PIKFYVE: variants seen among roughly 807,000 people sequenced by gnomAD.
PIKFYVE encodes the protein 1-phosphatidylinositol 3-phosphate 5-kinase.
PIKFYVE carries 122 observed loss-of-function variants against 257.9 expected under a neutral mutation model. That is an observed-to-expected ratio of 0.47 (90% CI 0.41 to 0.55). The LOEUF (loss-of-function observed/expected upper bound fraction) is 0.55, where lower values mean the gene tolerates loss of function less well. PIKFYVE is among the 20% of genes least tolerant of loss of function. The probability of loss-of-function intolerance (pLI) is 0.00; values close to 1 mark genes in which losing one functional copy is unlikely to be tolerated. For missense variants in PIKFYVE, 2,160 were observed against 2,536.6 expected (o/e 0.85, Z 3.19); for synonymous variants, 892 against 868.9 (o/e 1.03, Z -0.47).
chr2:208,273,910 G>C (rs16840819), intron 3 of PIKFYVE, 177 bp downstream of exon 3: 1 of 1,405,836 alleles, frequency 7.1e-7, no homozygotes, highest in African/African-American at 1.4e-5. Context: ...GGTAGTGAAA[G>C]AATTTATTGA....
chr2:208,292,340 A>G (rs1258618489), intron 7 of PIKFYVE, among the ~76,000 whole-genome samples: 1 of 152,108 alleles, frequency 6.6e-6, no homozygotes, highest in African/African-American at 2.4e-5. Context: ...GAGTTCAGCT[A>G]TGTTGTTATT....
intron 7 of PIKFYVE, among the ~76,000 whole-genome samples, chr2:208,290,513 C>A (rs575962974): frequency 6.6e-6 from 1 of 152,346 alleles, no homozygotes; most frequent in African/African-American, 2.4e-5. Flanking sequence ...TTTATCTACT[C>A]ACCTACTGAA....
chr2:208,333,241 A>T (rs1697757233), intron 23 of PIKFYVE, 74 bp from the exon 24 acceptor site: 3 of 1,528,270 alleles, frequency 2.0e-6, no homozygotes, highest in East Asian at 4.5e-5. Context: ...CTCAAAAAAA[A>T]AAAAGAAAAT....
rs772602002 is a variant in PIKFYVE at position 208,315,274 on chromosome 2, C to T, written c.1908C>T (p.Ile636=). Reference sequence around the variant, plus strand: ...CACTGTCATCATCTTGGAGGGACATCATCGTGTCATTGGTCTGCCAGGTTG... The same window carrying T: ...CACTGTCATCATCTTGGAGGGACATTATCGTGTCATTGGTCTGCCAGGTTG... The part of the protein sequence containing the change: ...SDSLSSSWRD[I]IVSLVCQVVQ... Residue 636 remains isoleucine (I), a synonymous_variant, in exon 15 of 42, where the codon ATC becomes ATT. Transcript: ENST00000264380. 28 of 1,614,010 alleles carry T rather than the reference C, an allele frequency of 1.7e-5. No homozygotes were observed. In the Admixed American group the frequency reaches 4.5e-4, roughly 26 times the overall value.
At chr2:208,328,396 C>G (rs1187382546) in intron 21 of PIKFYVE, 116 bp downstream of exon 21, 3 of 1,217,318 alleles carry the variant, frequency 2.5e-6, no homozygotes, top group Non-Finnish European at 3.6e-6. Context: ...CAGCACACTG[C>G]TGGTCATATA....
Position 208,336,087 on chromosome 2 carries a change from A to G in PIKFYVE, c.4407A>G (p.Gln1469=). ...GEFKNWIEKM[Q]ARLMSSSVDT... is the part of the protein sequence containing the mutation. ...TCAAGAACTGGATTGAGAAGATGCA[A>G]GCAAGGCTCATGTCTTCCTCTGTAG... Residue 1469 remains glutamine (Q), a synonymous_variant, in exon 27 of 42, where the codon CAA becomes CAG. Transcript: ENST00000264380. 6.2e-7 allele frequency: 1 copy of G among 1,614,100 alleles called. No homozygotes were observed.
intron 3 of PIKFYVE, 166 bp downstream of exon 3, chr2:208,273,899 C>A (rs1574399620): frequency 2.2e-6 from 3 of 1,361,816 alleles, no homozygotes; most frequent in African/African-American, 1.4e-5. Flanking sequence ...ACTCTTACCT[C>A]GGTAGTGAAA....
Position 208,339,526 on chromosome 2 carries a change from C to A in PIKFYVE, c.4781C>A (p.Pro1594His), listed in dbSNP as rs1392534518. The change falls in exon 30 of 42, where the codon CCT (proline) becomes CAT (histidine). Residue 1594 changes from proline (P) to histidine (H), a missense_variant. Coordinates refer to ENST00000264380, the MANE Select transcript of PIKFYVE (RefSeq NM_015040.4). ...VMSEQSVGGP[P>H]ELDTASSSED... is the part of the protein sequence containing the mutation. ...TCTGAACAGTCAGTGGGAGGGCCCC[C>A]TGAGCTAGATACAGCCAGCAGTTCC... The A allele has an allele frequency of 1.9e-6, 3 of 1,614,014 alleles. No homozygotes were observed. In the African/African-American group the frequency reaches 4.0e-5, roughly 22 times the overall value.
chr2:208,286,545 GTTA>G (rs1691599347), intron 6 of PIKFYVE, among the ~76,000 whole-genome samples: 1 of 152,008 alleles, frequency 6.6e-6, no homozygotes, highest in African/African-American at 2.4e-5. Context: ...AAAATTATTA[GTTA>G]TTATTTTTGA....
intron 2 of PIKFYVE, among the ~76,000 whole-genome samples, chr2:208,272,151 C>T (rs1044806238): frequency 3.3e-5 from 5 of 151,812 alleles, no homozygotes; most frequent in African/African-American, 2.4e-5. Context: ...AGGAGAATGG[C>T]GTGAACCCAG....
intron 1 of PIKFYVE, among the ~76,000 whole-genome samples, chr2:208,270,651 ATTGTTAAAGTT>A (rs2124977736): frequency 6.6e-6 from 1 of 152,220 alleles, no homozygotes; most frequent in East Asian, 1.9e-4. Flanking sequence ...GCTTGAGGTA[ATTGTTAAAGTT>A]TTGTAGACAT....
chr2:208,328,280 G>C lies in PIKFYVE; in HGVS notation c.3719G>C (p.Trp1240Ser), dbSNP rs766051029. The C allele has an allele frequency of 6.2e-7, 1 of 1,613,454 alleles. No homozygotes were observed. Among genetic ancestry groups the C allele is most frequent in the Non-Finnish European group, 8.5e-7 (1 of 1,179,740 alleles). The change falls in exon 21 of 42, where the codon TGG (tryptophan) becomes TCG (serine). Residue 1240 changes from tryptophan to serine, a missense_variant and splice_region_variant. Trp to Ser is a radical substitution (Grantham distance 177). Coordinates refer to ENST00000264380, the MANE Select transcript of PIKFYVE (RefSeq NM_015040.4). ...GCTCCTAGTGCCTGTGTCAGTCCTT[G>C]GTAGGATTCTTTTCCCCCTACACTA... ...SNAPSACVSP[W>S]IVTMEFYGKN...
At chr2:208,341,679 C>T (rs1044138845) in intron 31 of PIKFYVE, among the ~76,000 whole-genome samples, 3 of 152,122 alleles carry the variant, frequency 2.0e-5, no homozygotes, top group African/African-American at 7.2e-5. Flanking sequence ...TGGAAGGAGG[C>T]TGAGAGAGCT....
chr2:208,335,697 C>T, intron 25 of PIKFYVE, 96 bp from the exon 26 acceptor site: 1 of 1,022,752 alleles, frequency 9.8e-7, no homozygotes, highest in Middle Eastern at 3.0e-4. Context: ...AACATAATTT[C>T]AATTACATTT....
chr2:208,349,220 T>A (rs1051270521), intron 35 of PIKFYVE, among the ~76,000 whole-genome samples: 4 of 152,160 alleles, frequency 2.6e-5, no homozygotes, highest in African/African-American at 9.7e-5. Flanking sequence ...GATATCTGTT[T>A]AGTATTCTAT....
intron 34 of PIKFYVE, among the ~76,000 whole-genome samples, 165 bp downstream of exon 34, chr2:208,346,312 T>C (rs1699229024): frequency 6.6e-6 from 1 of 152,230 alleles, no homozygotes; most frequent in African/African-American, 2.4e-5. Flanking sequence ...TATACGTGTT[T>C]TGCTTTTCTT....
intron 35 of PIKFYVE, among the ~76,000 whole-genome samples, chr2:208,348,472 G>C (rs1408576143): frequency 6.6e-6 from 1 of 151,988 alleles, no homozygotes; most frequent in African/African-American, 2.4e-5. Flanking sequence ...TCTAATGCTG[G>C]GTGAGATGGC....
rs1163181372 is a variant in PIKFYVE, at chr2:208,301,000, C to G, written c.1114C>G (p.Gln372Glu). 6.2e-7 allele frequency: 1 copy of G among 1,614,026 alleles called. No individual in the cohort carries two copies. The highest frequency in any genetic ancestry group is 8.5e-7 in the Non-Finnish European group (1 of 1,180,016). Residue 372 changes from glutamine (Q) to glutamate (E), a missense_variant, in exon 9 of 42, where the codon CAG (glutamine) becomes GAG (glutamate). By Grantham distance (29) the Gln-to-Glu change is conservative. Coordinates refer to ENST00000264380, the MANE Select transcript of PIKFYVE (RefSeq NM_015040.4). ...ICHHSSGMEFQDHRYWLRTHP... is the reference protein window; with the variant it reads ...ICHHSSGMEFEDHRYWLRTHP... Reference sequence around the variant, plus strand: ...CCATCACAGCAGTGGAATGGAGTTTCAGGATCACCGCTACTGGTTGAGAAC... The same window carrying G: ...CCATCACAGCAGTGGAATGGAGTTTGAGGATCACCGCTACTGGTTGAGAAC...
In PIKFYVE at chr2:208,350,790, C is replaced by T. The variant is rs1327221083; in HGVS notation, c.5454C>T (p.Ala1818=). 8.1e-6 allele frequency: 13 copies of T among 1,614,082 alleles called. No individual in the cohort carries two copies. Among genetic ancestry groups the T allele is most frequent in the African/African-American group, 2.7e-5 (2 of 74,986 alleles). Residue 1818 remains alanine, a synonymous_variant, in exon 37 of 42, where the codon GCC becomes GCT. Coordinates refer to ENST00000264380, the MANE Select transcript of PIKFYVE (RefSeq NM_015040.4). The part of the protein sequence containing the change: ...HVELQFSDAN[A]KFYCRLYYAG... ...TTATAGAATTTTCAGATGCTAATGC[C>T]AAGTTTTACTGTCGGCTCTACTATG... is the stretch of plus-strand genomic sequence containing the variant.
Sources: gnomAD v4.1 joint callset for allele counts (sites outside exome capture counted in the v4.1 genomes callset) on GRCh38, gnomAD v4.1.1 for gene constraint, MANE v1.5 for transcripts, NCBI Gene and HGNC (gene_info 2026-07-23, HGNC 2026-07-21) for gene names.